The following PTX4 variants were observed in gnomAD, a reference collection of about 807,000 sequenced individuals.
PTX4 encodes the protein pentraxin-4.
In PTX4, 23 loss-of-function variants were observed where a neutral mutation model predicts 19.1. The ratio of observed to expected loss-of-function variants is 1.20; its 90% CI spans 0.87 to 1.70. PTX4 has a LOEUF of 1.70. PTX4 is among the 40% of genes most tolerant of loss of function. The pLI, the probability that PTX4 is intolerant of heterozygous loss-of-function variation, is 0.00. For synonymous variants in PTX4, 317 were observed against 279.6 expected, an observed-to-expected ratio of 1.13 and a Z score of -1.33; for missense variants, 678 against 610.5, an observed-to-expected ratio of 1.11 and a Z score of -1.17.
Position 1,486,080 on chromosome 16 carries a change from C to T in PTX4, c.1296G>A (p.Arg432=). ...GSMSGLAIWD[R]ALVPGEVANL... ...TTGCAACTTCCCCGGGAACCAGCGC[C>T]CGATCCCAGATAGCCAAGCCAGACA... The change falls in exon 3 of 3, where the codon CGG becomes CGA. Residue 432 remains arginine, a synonymous_variant. Coordinates refer to ENST00000447419, the MANE Select transcript of PTX4 (RefSeq NM_001328608.2). 6.2e-7 allele frequency: 1 copy of T among 1,614,212 alleles called. No homozygotes were observed. Among genetic ancestry groups the T allele is most frequent in the Non-Finnish European group, 8.5e-7 (1 of 1,180,028 alleles).
At position 1,487,722 on chromosome 16, in the gene PTX4, GC is replaced by G. The variant is rs776002118; in HGVS notation, c.389del (p.Gly130AlafsTer75). The G allele has an allele frequency of 3.7e-6, 6 of 1,611,928 alleles. No individual in the cohort carries two copies. In the East Asian group the frequency reaches 1.3e-4, roughly 36 times the overall value. On this transcript the variant is annotated frameshift_variant, in exon 2 of 3. Transcript: ENST00000447419. LOFTEE classifies it high-confidence loss of function. ...TRLRALDLTL[G>X]ERSQQRARER... ...CCCGGGCCCGCTGCTGGCTCCTCTCGCCCAGGGTGAGGTCCAAGGCCCGCAG... is the reference window on the plus strand; with the variant it reads ...CCCGGGCCCGCTGCTGGCTCCTCTCGCCAGGGTGAGGTCCAAGGCCCGCAG...
chr16:1,486,689 C>T (rs1432810311), intron 2 of PTX4, 110 bp from the exon 3 acceptor site: 17 of 1,166,506 alleles, frequency 1.5e-5, no homozygotes, highest in South Asian at 4.9e-5. Context: ...CCACCCTTCA[C>T]GGAGCACTGA....
In PTX4 at chr16:1,488,777, C is replaced by T. The variant is rs1430379732; in HGVS notation, c.133G>A (p.Glu45Lys). The change falls in exon 1 of 3, where the codon GAG (glutamate) becomes AAG (lysine). Residue 45 changes from glutamate (E) to lysine (K), a missense_variant. Glu to Lys is a moderately conservative substitution (Grantham distance 56). Coordinates refer to ENST00000447419, the MANE Select transcript of PTX4 (RefSeq NM_001328608.2). ...KPFFERLRRL[E>K]EQFRRFQEVT... ...TCAGGGGTATAACTTGCCTGTTCCT[C>T]CAGCCTACGGAGCCTCTCGAAAAAC... 1.4e-6 allele frequency: 1 copy of T among 698,840 alleles called. No homozygotes were observed. The highest frequency in any genetic ancestry group is 2.6e-6 in the Non-Finnish European group (1 of 382,754). 43.3% of individuals were successfully genotyped at this position (698,840 alleles called of 1,614,324 possible).
chr16:1,485,986 CG>C lies in PTX4; in HGVS notation c.1389del (p.Gly464AspfsTer23). On this transcript the variant is annotated frameshift_variant, in exon 3 of 3. Coordinates refer to ENST00000447419, the MANE Select transcript of PTX4 (RefSeq NM_001328608.2). LOFTEE classifies it low-confidence loss of function (END_TRUNC). ...GTGCAGTTGGCCCCCTGCACAAATC[CG>C]CCTGCTAGTGCAGCATTGGCCAGCG... ...ILTLANAALA[G>X]GFVQGANCTC... The C allele has an allele frequency of 6.2e-7, 1 of 1,612,446 alleles. No homozygotes were observed. The highest frequency in any genetic ancestry group is 1.7e-5 in the Admixed American group (1 of 60,014).
intron 2 of PTX4, 140 bp from the exon 3 acceptor site, chr16:1,486,719 A>T (rs536182150): frequency 7.1e-6 from 6 of 845,210 alleles, no homozygotes; most frequent in African/African-American, 6.9e-5. Flanking sequence ...GGCCCTGCCG[A>T]TGGCTCCCCT....
Position 1,487,702 on chromosome 16 carries a change from G to A in PTX4, c.410C>T (p.Ala137Val), listed in dbSNP as rs1445447512. 6.2e-7 allele frequency: 1 copy of A among 1,611,106 alleles called. No individual in the cohort carries two copies. Among genetic ancestry groups the A allele is most frequent in the Non-Finnish European group, 8.5e-7 (1 of 1,178,570 alleles). ...GGCCTTGTGTGCCTTCCTTTCCCGG[G>A]CCCGCTGCTGGCTCCTCTCGCCCAG... Reference protein sequence around the residue: ...LTLGERSQQRARERKAHKAQR... With the variant: ...LTLGERSQQRVRERKAHKAQR... The change falls in exon 2 of 3, where the codon GCC becomes GTC. Residue 137 changes from alanine to valine, a missense_variant. Physicochemically the swap from Ala to Val is moderately conservative, Grantham distance 64. Coordinates refer to ENST00000447419, the MANE Select transcript of PTX4 (RefSeq NM_001328608.2).
At position 1,486,437 on chromosome 16, in the gene PTX4, G is replaced by A. The variant is rs373314986; in HGVS notation, c.939C>T (p.Leu313=). The A allele has an allele frequency of 7.0e-5, 113 of 1,613,912 alleles. No individual in the cohort carries two copies. The African/African-American group carries it at 1.4e-3, about 20-fold the overall frequency. Residue 313 remains leucine, a synonymous_variant, in exon 3 of 3, where the codon CTC becomes CTT. Coordinates refer to ENST00000447419, the MANE Select transcript of PTX4 (RefSeq NM_001328608.2). ...VRTASGRLGT[L]LSYATEDNDN... ...CATTGTCCTCGGTGGCGTAGGACAG[G>A]AGGGTGCCCAGGCGGCCGGAGGCCG...
chr16:1,486,009 A>G lies in PTX4; in HGVS notation c.1367T>C (p.Leu456Pro). 2 of 1,613,862 alleles carry G rather than the reference A, an allele frequency of 1.2e-6. No homozygotes were observed. Among genetic ancestry groups the G allele is most frequent in the East Asian group, 4.5e-5 (2 of 44,878 alleles). ...KEFPTGAILT[L>P]ANAALAGGFV... ...TCCGCCTGCTAGTGCAGCATTGGCC[A>G]GCGTCAGGATGGCACCTGTCGGGAA... Residue 456 changes from leucine to proline, a missense_variant, in exon 3 of 3, where the codon CTG (leucine) becomes CCG (proline). By Grantham distance (98) the Leu-to-Pro change is moderately conservative. Coordinates refer to ENST00000447419, the MANE Select transcript of PTX4 (RefSeq NM_001328608.2).
At position 1,487,493 on chromosome 16, in the gene PTX4, G is replaced by A; in HGVS notation, c.619C>T (p.Gln207Ter). The change falls in exon 2 of 3, where the codon CAG becomes TAG. Residue 207 changes from glutamine (Q) to a stop codon, truncating the protein, a stop_gained. Coordinates refer to ENST00000447419, the MANE Select transcript of PTX4 (RefSeq NM_001328608.2). LOFTEE classifies it high-confidence loss of function. ...GCTCGGAGCTCCTGCCTGTCCCTCT[G>A]AAGCTTCAGGGAGGTCGGGCCCAGC... The part of the protein sequence containing the change: ...EELGPTSLKL[Q>*]RDRQELRAAS... 1 of 1,510,694 alleles carries A rather than the reference G, an allele frequency of 6.6e-7. No individual in the cohort carries two copies. The highest frequency in any genetic ancestry group is 8.8e-7 in the Non-Finnish European group (1 of 1,130,764). The allele number at this position is 1,510,694 out of a possible 1,614,324, so 93.6% of individuals were successfully genotyped here.
In PTX4 at chr16:1,487,765, C is replaced by T. The variant is rs148124305; in HGVS notation, c.347G>A (p.Arg116Gln). ...GGCCCGCAGCCGCGTGTCTACTTTC[C>T]GGCCTCGGCGCTGCAGCTTCCTCAC... is the stretch of plus-strand genomic sequence containing the variant. The part of the protein sequence containing the change: ...AWVRKLQRRG[R>Q]KVDTRLRALD... Residue 116 changes from arginine (R) to glutamine (Q), a missense_variant, in exon 2 of 3, where the codon CGG becomes CAG. Transcript: ENST00000447419. The T allele has an allele frequency of 3.0e-5, 48 of 1,612,720 alleles. No homozygotes were observed. Among genetic ancestry groups the T allele is most frequent in the African/African-American group, 5.3e-5 (4 of 74,938 alleles).
In PTX4 at chr16:1,486,582, A is replaced by G. The variant is rs747841130; in HGVS notation, c.797-3T>C. ...GAGGGTGGGGCCCACGCCGCAAACT[A>G]GAAACAGAGGAGGGAGGGTCAACCC... On this transcript the variant is annotated splice_polypyrimidine_tract_variant and splice_region_variant and intron_variant, in intron 2 of 2. Coordinates refer to ENST00000447419, the MANE Select transcript of PTX4 (RefSeq NM_001328608.2). The G allele has an allele frequency of 2.6e-6, 4 of 1,538,400 alleles. No individual in the cohort carries two copies. Among genetic ancestry groups the G allele is most frequent in the Non-Finnish European group, 2.6e-6 (3 of 1,144,338 alleles).
rs755708029 is a variant in PTX4, at chr16:1,487,889, G to A, written c.223C>T (p.Arg75Trp). The A allele has an allele frequency of 2.2e-5, 35 of 1,612,676 alleles. No homozygotes were observed. In the Middle Eastern group the frequency reaches 9.9e-4, roughly 45 times the overall value. The stretch of plus-strand genomic sequence containing the variant: ...CTCTCTTCCGCCAGGCTCCGGAACC[G>A]GACGTCAACGTTGTAGGACACGTTG... The part of the protein sequence containing the change: ...NYNVSYNVDV[R>W]FRSLAEESQA... Residue 75 changes from arginine to tryptophan, a missense_variant, in exon 2 of 3, where the codon CGG becomes TGG. By Grantham distance (101) the Arg-to-Trp change is moderately radical (BLOSUM62 -3). Coordinates refer to ENST00000447419, the MANE Select transcript of PTX4 (RefSeq NM_001328608.2).
rs775917988 is a variant in PTX4 at position 1,485,987 on chromosome 16, G to A, written c.1389C>T (p.Gly463=). Residue 463 remains glycine, a synonymous_variant, in exon 3 of 3, where the codon GGC becomes GGT. Transcript: ENST00000447419. ...ILTLANAALA[G]GFVQGANCTC... Reference sequence around the variant, plus strand: ...TGCAGTTGGCCCCCTGCACAAATCCGCCTGCTAGTGCAGCATTGGCCAGCG... The same window carrying A: ...TGCAGTTGGCCCCCTGCACAAATCCACCTGCTAGTGCAGCATTGGCCAGCG... The A allele has an allele frequency of 3.0e-5, 48 of 1,612,134 alleles. No homozygotes were observed. In the East Asian group the frequency reaches 4.0e-4, roughly 13 times the overall value.
rs79788206 is a variant in PTX4 at position 1,486,113 on chromosome 16, C to T, written c.1263G>A (p.Val421=). The change falls in exon 3 of 3, where the codon GTG becomes GTA. Residue 421 remains valine, a synonymous_variant. Transcript: ENST00000447419. ...AGATAGCCAAGCCAGACATGCTCCC[C>T]ACGAAGGCCTCGGAGCTGTCGAATC... ...GGGFDSSEAF[V]GSMSGLAIWD... 6.2e-7 allele frequency: 1 copy of T among 1,614,218 alleles called. No homozygotes were observed. Among genetic ancestry groups the T allele is most frequent in the Non-Finnish European group, 8.5e-7 (1 of 1,180,036 alleles).
In PTX4 at chr16:1,488,846, C is replaced by G; in HGVS notation, c.64G>C (p.Gly22Arg). 4.3e-6 allele frequency: 3 copies of G among 702,562 alleles called. No homozygotes were observed. The highest frequency in any genetic ancestry group is 2.3e-4 in the Middle Eastern group (1 of 4,360). 43.5% of individuals were successfully genotyped at this position (702,562 alleles called of 1,614,324 possible). ...GGGGCGGCTTCCTGCGATGAAGCCCCATGTAGATATATAGGCACAAAAACA... is the reference window on the plus strand; with the variant it reads ...GGGGCGGCTTCCTGCGATGAAGCCCGATGTAGATATATAGGCACAAAAACA... ...FLVFVPIYLH[G>R]ASSQEAAPVG... Residue 22 changes from glycine to arginine, a missense_variant, in exon 1 of 3, where the codon GGG becomes CGG. By Grantham distance (125) the Gly-to-Arg change is moderately radical (BLOSUM62 -2). Coordinates refer to ENST00000447419, the MANE Select transcript of PTX4 (RefSeq NM_001328608.2).
chr16:1,485,934 C>T lies in PTX4; in HGVS notation c.*5G>A, dbSNP rs541972884. ...TGCTGGCCTCAGCCCCCGTGCGGCT[C>T]GGCCTCAGGGACAGCGTTCCAGGCA... On this transcript the variant is annotated 3_prime_UTR_variant, in exon 3 of 3. Transcript: ENST00000447419. The T allele has an allele frequency of 1.8e-5, 28 of 1,594,092 alleles. No individual in the cohort carries two copies. The highest frequency in any genetic ancestry group is 1.5e-4 in the Admixed American group (9 of 59,444).
rs2039255476 is a variant in PTX4 at position 1,487,410 on chromosome 16, C to T, written c.702G>A (p.Arg234=). Residue 234 remains arginine, a synonymous_variant, in exon 2 of 3, where the codon CGG becomes CGA. Coordinates refer to ENST00000447419, the MANE Select transcript of PTX4 (RefSeq NM_001328608.2). ...GATGGCTGCCTGAGGCTGGAGGCTCCCGCCTCCCTTGGAGAGGGGCCGAGG... is the reference window on the plus strand; with the variant it reads ...GATGGCTGCCTGAGGCTGGAGGCTCTCGCCTCCCTTGGAGAGGGGCCGAGG... ...QDSSAPLQGR[R]EPPASGSHRV... is the part of the protein sequence containing the mutation. 3 of 1,533,364 alleles carry T rather than the reference C, an allele frequency of 2.0e-6. No individual in the cohort carries two copies. The highest frequency in any genetic ancestry group is 2.6e-5 in the South Asian group (2 of 76,884). 95.0% of individuals were successfully genotyped at this position (1,533,364 alleles called of 1,614,324 possible).
Position 1,486,395 on chromosome 16 carries a change from C to T in PTX4, c.981G>A (p.Leu327=), listed in dbSNP as rs148988853. ...CGGGCAGCAGGGAGTCTCGGCCGTG[C>T]AGCACCAGCTTGTTGTCATTGTCCT... The part of the protein sequence containing the change: ...ATEDNDNKLV[L]HGRDSLLPGS... The change falls in exon 3 of 3, where the codon CTG becomes CTA. Residue 327 remains leucine (L), a synonymous_variant. Coordinates refer to ENST00000447419, the MANE Select transcript of PTX4 (RefSeq NM_001328608.2). 6 of 1,613,978 alleles carry T rather than the reference C, an allele frequency of 3.7e-6. No homozygotes were observed. The highest frequency in any genetic ancestry group is 4.2e-6 in the Non-Finnish European group (5 of 1,179,968).
At chr16:1,488,478 G>A (rs753186680) in intron 1 of PTX4, 14 of 1,608,614 alleles carry the variant, frequency 8.7e-6, no homozygotes, top group South Asian at 4.4e-5. Context: ...GACACTACCC[G>A]GCCCCCATGG....
Sources: allele counts gnomAD v4.1 joint callset, GRCh38; gene constraint gnomAD v4.1.1; transcripts MANE v1.5; gene names NCBI Gene and HGNC (gene_info 2026-07-23, HGNC 2026-07-21).